SLAIN2: variants seen among roughly 807,000 people sequenced by gnomAD.
SLAIN2 encodes the protein SLAIN motif-containing protein 2.
Under a neutral mutation model 56.6 loss-of-function variants are expected in SLAIN2, and 31 were observed. That is an observed-to-expected ratio of 0.55 (90% CI 0.41 to 0.74). The LOEUF (loss-of-function observed/expected upper bound fraction) is 0.74. SLAIN2 is among the 30% of genes least tolerant of loss of function. SLAIN2 has a pLI of 0.00. For missense variants in SLAIN2, 777 were observed against 754.2 expected, an observed-to-expected ratio of 1.03 and a Z score of -0.35; for synonymous variants, 317 against 284.9, an observed-to-expected ratio of 1.11 and a Z score of -1.13.
chr4:48,354,098 A>G (rs1310032803), intron 1 of SLAIN2, among the ~76,000 whole-genome samples: 1 of 152,188 alleles, frequency 6.6e-6, no homozygotes, highest in African/African-American at 2.4e-5. Context: ...AAAAACCAAT[A>G]GTTGGTTATG....
chr4:48,416,406 A>AACAACC (rs1281835417), intron 6 of SLAIN2, among the ~76,000 whole-genome samples: 2 of 122,336 alleles, frequency 1.6e-5, no homozygotes, highest in Admixed American at 9.2e-5. Context: ...TTGTACATTG[A>AACAACC]TTTTGTATCC....
At chr4:48,374,137 A>C (rs1224034584) in intron 2 of SLAIN2, among the ~76,000 whole-genome samples, 1 of 152,226 alleles carries the variant, frequency 6.6e-6, no homozygotes, top group Non-Finnish European at 1.5e-5. Flanking sequence ...AAGTTGCTGG[A>C]GAAGAGTAAG....
chr4:48,372,043 CATATAT>C (rs1715684587), intron 2 of SLAIN2, among the ~76,000 whole-genome samples: 1 of 132,114 alleles, frequency 7.6e-6, no homozygotes, highest in East Asian at 2.2e-4. Flanking sequence ...TATACATATA[CATATAT>C]ACATATATAT....
chr4:48,383,815 A>C (rs780392773), intron 6 of SLAIN2, 31 bp downstream of exon 6: 1 of 1,578,810 alleles, frequency 6.3e-7, no homozygotes, highest in East Asian at 2.2e-5. Context: ...TTCATGTATC[A>C]GTTATTTAAA....
chr4:48,384,467 T>C (rs1716051149), intron 6 of SLAIN2, among the ~76,000 whole-genome samples: 1 of 152,216 alleles, frequency 6.6e-6, no homozygotes, highest in African/African-American at 2.4e-5. Context: ...GTCCTAATCC[T>C]ACTTATAGAT....
At chr4:48,363,972 G>C (rs1384069716) in intron 1 of SLAIN2, among the ~76,000 whole-genome samples, 1 of 129,550 alleles carries the variant, frequency 7.7e-6, no homozygotes, top group African/African-American at 2.8e-5. Flanking sequence ...CGGGCAGGGG[G>C]CTGACCCCCC....
intron 1 of SLAIN2, among the ~76,000 whole-genome samples, chr4:48,362,103 CATGTTTTACTTCTTTCTTTTCA>C (rs1425207221): frequency 6.6e-6 from 1 of 150,570 alleles, no homozygotes; most frequent in African/African-American, 2.4e-5. Flanking sequence ...TGCGATTAAA[CATGTTTTACTTCTTTCTTTTCA>C]ATCAGGATGC....
chr4:48,406,767 G>T (rs1175688634), intron 6 of SLAIN2, among the ~76,000 whole-genome samples: 1 of 151,946 alleles, frequency 6.6e-6, no homozygotes, highest in Non-Finnish European at 1.5e-5. Context: ...TTTGCATGTT[G>T]ATGATAACTT....
At chr4:48,402,531 T>C (rs1220928699) in intron 6 of SLAIN2, among the ~76,000 whole-genome samples, 2 of 152,236 alleles carry the variant, frequency 1.3e-5, no homozygotes, top group Non-Finnish European at 2.9e-5. Context: ...GATTCTTTCC[T>C]CCACTTGGTC....
Position 48,412,404 on chromosome 4 carries a change from AC to A in SLAIN2, c.1361-7720del, listed in dbSNP as rs1560465845. On this transcript the variant is annotated intron_variant, in intron 6 of 7. Coordinates refer to ENST00000264313, the MANE Select transcript of SLAIN2 (RefSeq NM_020846.2). ...CACACACACACACACACACACACAC[AC>A]ACACACACACATTCCCTCTCTCTCT... is the stretch of plus-strand genomic sequence containing the variant. Among the ~76,000 whole-genome samples, 538 of 55,458 alleles carry A rather than the reference AC, an allele frequency of 9.7e-3. 12 individuals carry two copies. The highest frequency in any genetic ancestry group is 0.028 in the African/African-American group (512 of 17,996). The allele number at this position is 55,458 out of a possible 152,430, so 36.4% of individuals were successfully genotyped here.
intron 1 of SLAIN2, among the ~76,000 whole-genome samples, chr4:48,360,532 C>T (rs1285279753): frequency 6.6e-6 from 1 of 151,968 alleles, no homozygotes; most frequent in East Asian, 1.9e-4. Flanking sequence ...ACAGAGGTTG[C>T]TGTGAGCTGA....
intron 6 of SLAIN2, among the ~76,000 whole-genome samples, chr4:48,395,810 C>CTTTTTTTTTTTTT (rs10649464): frequency 3.6e-4 from 26 of 72,772 alleles, no homozygotes; most frequent in African/African-American, 1.6e-3. Context: ...GAACCTTAGG[C>CTTTTTTTTTTTTT]TTTTTTTTTT....
intron 6 of SLAIN2, among the ~76,000 whole-genome samples, chr4:48,403,432 C>T (rs1156498444): frequency 6.6e-6 from 1 of 151,990 alleles, no homozygotes; most frequent in Non-Finnish European, 1.5e-5. Flanking sequence ...AGGCCTTGCC[C>T]AGTGAGGAGG....
At chr4:48,342,317 T>G (rs1366702686) in intron 1 of SLAIN2, among the ~76,000 whole-genome samples, 189 bp downstream of exon 1, 1 of 152,238 alleles carries the variant, frequency 6.6e-6, no homozygotes, top group Non-Finnish European at 1.5e-5. Context: ...CGTGCGCAAG[T>G]AACAGGGTTG....
At chr4:48,413,154 T>C (rs1239418164) in intron 6 of SLAIN2, among the ~76,000 whole-genome samples, 1 of 151,804 alleles carries the variant, frequency 6.6e-6, no homozygotes, top group East Asian at 1.9e-4. Context: ...CTTGAACCTG[T>C]GAGGCAGACG....
At chr4:48,409,545 A>G (rs1424305018) in intron 6 of SLAIN2, among the ~76,000 whole-genome samples, 1 of 152,204 alleles carries the variant, frequency 6.6e-6, no homozygotes, top group South Asian at 2.1e-4. Flanking sequence ...TTATCCATTC[A>G]TCACTTGGTG....
At chr4:48,394,692 A>G (rs967961342) in intron 6 of SLAIN2, 13 of 1,503,894 alleles carry the variant, frequency 8.6e-6, no homozygotes, top group Admixed American at 2.0e-5. Context: ...ATTTCAGCAA[A>G]TGATCTAGTT....
At position 48,425,400 on chromosome 4, in the gene SLAIN2, A is replaced by G. The variant is rs1470868578; in HGVS notation, c.*3323A>G. On this transcript the variant is annotated 3_prime_UTR_variant, in exon 8 of 8. Coordinates refer to ENST00000264313, the MANE Select transcript of SLAIN2 (RefSeq NM_020846.2). ...CTATTATGAGTTTCCAAGAGGGACA[A>G]TTAATGCATTTTCATACCAAATGCG... 6 of 152,152 alleles carry G rather than the reference A, an allele frequency of 3.9e-5. No individual in the cohort carries two copies. The highest frequency in any genetic ancestry group is 1.9e-4 in the East Asian group (1 of 5,196). 9.4% of individuals were successfully genotyped at this position (152,152 alleles called of 1,614,324 possible).
intron 1 of SLAIN2, among the ~76,000 whole-genome samples, chr4:48,342,956 C>A (rs1714767014): frequency 6.6e-6 from 1 of 152,040 alleles, no homozygotes; most frequent in Admixed American, 6.6e-5. Context: ...GGCCCCCCCA[C>A]CTTAATATCA....
Sources: gnomAD v4.1 joint callset for allele counts (sites outside exome capture counted in the v4.1 genomes callset) on GRCh38, gnomAD v4.1.1 for gene constraint, MANE v1.5 for transcripts, NCBI Gene and HGNC (gene_info 2026-07-23, HGNC 2026-07-21) for gene names.